Variants in RBFOX1 observed in about 807,000 individuals in gnomAD.
The protein encoded by RBFOX1 is RNA binding fox-1 homolog 1.
In RBFOX1, 8 loss-of-function variants were observed where a neutral mutation model predicts 57.7. The ratio of observed to expected loss-of-function variants is 0.14; its 90% CI spans 0.08 to 0.25. The LOEUF (loss-of-function observed/expected upper bound fraction) is 0.25. Among genes scored for constraint, RBFOX1 ranks in the 10% least tolerant of loss-of-function variants. The pLI is 1.00. For missense variants in RBFOX1, 611 were observed against 548.5 expected (o/e 1.11, Z -1.14); for synonymous variants, 326 against 222.4 (o/e 1.47, Z -4.15).
At position 6,233,409 on chromosome 16, in the gene RBFOX1, C is replaced by A. The variant is rs1006628211; in HGVS notation, c.-126-83586C>A. On this transcript the variant is annotated intron_variant, in intron 1 of 15. Coordinates refer to ENST00000550418, the MANE Select transcript of RBFOX1 (RefSeq NM_018723.4). ...AGTGGGGATCTGACGAACCCCTGCA[C>A]CCCACTCGTCCCCACCTCCACACCG... Among the ~76,000 whole-genome samples the A allele has an allele frequency of 3.3e-5, 5 of 152,080 alleles. No homozygotes were observed. The South Asian group carries it at 1.0e-3, about 31-fold the overall frequency.
At position 5,805,544 on chromosome 16, in the gene RBFOX1, G is replaced by A. The variant is rs1003921922; in HGVS notation, c.319-61759G>A. Among the ~76,000 whole-genome samples the A allele has an allele frequency of 6.6e-5, 10 of 152,174 alleles. No homozygotes were observed. In the South Asian group the frequency reaches 2.1e-3, roughly 32 times the overall value. ...CCAGAAACAGAAGACATGTATTGAT[G>A]GGATAATTGAGAAGAGTTGAACAAA... On this transcript the variant is annotated intron_variant, in intron 3 of 19. Coordinates refer to the RBFOX1 transcript ENST00000641259.
chr16:7,463,355 T>C (rs542111381), intron 4 of RBFOX1, among the ~76,000 whole-genome samples: 25 of 152,196 alleles, frequency 1.6e-4, no homozygotes, highest in African/African-American at 5.5e-4. Flanking sequence ...AATACAAAAA[T>C]TAGCTGGGTG....
chr16:6,454,604 C>G (rs2094714113), intron 2 of RBFOX1, among the ~76,000 whole-genome samples: 2 of 152,112 alleles, frequency 1.3e-5, no homozygotes, highest in South Asian at 2.1e-4. Context: ...ACACCTTAAA[C>G]AAATAAATGT....
intron 1 of RBFOX1, among the ~76,000 whole-genome samples, chr16:6,180,638 T>G (rs540206709): frequency 6.6e-6 from 1 of 152,172 alleles, no homozygotes; most frequent in East Asian, 1.9e-4. Flanking sequence ...CGATCTCGGC[T>G]CACTGCAATC....
chr16:6,098,102 T>C (rs1042561942), intron 1 of RBFOX1, among the ~76,000 whole-genome samples: 8 of 151,928 alleles, frequency 5.3e-5, no homozygotes, highest in Non-Finnish European at 1.2e-4. Context: ...GGAGAAGGGG[T>C]CGGTCACCAT....
At chr16:6,138,739 C>T (rs1158075006) in intron 1 of RBFOX1, among the ~76,000 whole-genome samples, 1 of 152,074 alleles carries the variant, frequency 6.6e-6, no homozygotes, top group African/African-American at 2.4e-5. Context: ...TGGTGGCAGG[C>T]ACCTGTAGTC....
chr16:5,748,791 T>G (rs1370680087), intron 3 of RBFOX1, among the ~76,000 whole-genome samples: 1 of 152,212 alleles, frequency 6.6e-6, no homozygotes, highest in Admixed American at 6.5e-5. Flanking sequence ...GTTTCCTGAA[T>G]ACAGCACACT....
At chr16:7,425,260 T>TGA (rs1188118927) in intron 4 of RBFOX1, among the ~76,000 whole-genome samples, 2 of 152,194 alleles carry the variant, frequency 1.3e-5, no homozygotes, top group African/African-American at 4.8e-5. Flanking sequence ...ACACACTGAA[T>TGA]GAGAGAAGTG....
chr16:6,922,312 G>C lies in RBFOX1; in HGVS notation c.-15-129745G>C, dbSNP rs753180395. ...AGATATTGGAAAGCACTGGTTTTCA[G>C]TTCCGAGTGTCCGGTGGTAATGGCA... On this transcript the variant is annotated intron_variant, in intron 3 of 15. Coordinates refer to ENST00000550418, the MANE Select transcript of RBFOX1 (RefSeq NM_018723.4). Among the ~76,000 whole-genome samples the C allele has an allele frequency of 5.1e-4, 78 of 152,114 alleles. 2 individuals are homozygous for C. Among genetic ancestry groups the C allele is most frequent in the Admixed American group, 2.6e-4 (4 of 15,272 alleles).
chr16:7,465,513 C>T (rs1313333070), intron 4 of RBFOX1, among the ~76,000 whole-genome samples: 1 of 152,166 alleles, frequency 6.6e-6, no homozygotes, highest in Admixed American at 6.5e-5. Flanking sequence ...ATATTCTGTC[C>T]CCAAGTCCAT....
At chr16:6,392,253 T>G (rs2092637701) in intron 2 of RBFOX1, among the ~76,000 whole-genome samples, 1 of 152,248 alleles carries the variant, frequency 6.6e-6, no homozygotes, top group African/African-American at 2.4e-5. Flanking sequence ...CCAAGCGTTT[T>G]AACTGAAGAC....
chr16:7,344,101 CTT>C (rs61008217), intron 4 of RBFOX1, among the ~76,000 whole-genome samples: 89 of 90,604 alleles, frequency 9.8e-4, no homozygotes, highest in African/African-American at 3.2e-3. Flanking sequence ...CTCAGCTTTA[CTT>C]TTTTTTTTTT....
chr16:6,700,893 C>A (rs1476021558), intron 3 of RBFOX1, among the ~76,000 whole-genome samples: 1 of 151,932 alleles, frequency 6.6e-6, no homozygotes, highest in Non-Finnish European at 1.5e-5. Context: ...TCCTCTTTAC[C>A]CAATTTGCTA....
intron 3 of RBFOX1, among the ~76,000 whole-genome samples, chr16:6,941,217 T>A (rs1221354389): frequency 6.8e-6 from 1 of 146,692 alleles, no homozygotes; most frequent in Non-Finnish European, 1.5e-5. Context: ...CTTCCTTCCC[T>A]CCCATTACCT....
In RBFOX1 at chr16:5,330,283, T is replaced by G. The variant is rs531135795; in HGVS notation, c.219+90178T>G. 2.6e-5 allele frequency among the ~76,000 whole-genome samples: 4 copies of G among 152,200 alleles called. No individual in the cohort carries two copies. The South Asian group carries it at 8.3e-4, about 32-fold the overall frequency. ...GAATCTAACCTTAGTCTCCTTCTTT[T>G]AACTGCTATGCTAAGCTCTTTAAAT... On this transcript the variant is annotated intron_variant, in intron 1 of 2. Coordinates refer to the RBFOX1 transcript ENST00000585867.
chr16:6,452,716 G>C (rs550833452), intron 2 of RBFOX1, among the ~76,000 whole-genome samples: 7 of 152,334 alleles, frequency 4.6e-5, no homozygotes, highest in Middle Eastern at 3.4e-3. Flanking sequence ...TCACAGTTTA[G>C]CCTTTGCAGT....
At chr16:5,454,168 C>G (rs1019313263) in intron 1 of RBFOX1, among the ~76,000 whole-genome samples, 1 of 152,182 alleles carries the variant, frequency 6.6e-6, no homozygotes, top group African/African-American at 2.4e-5. Context: ...AATGCAGTTT[C>G]TCACTGAGAG....
At chr16:6,048,075 T>C (rs1225137575) in intron 1 of RBFOX1, among the ~76,000 whole-genome samples, 1 of 152,168 alleles carries the variant, frequency 6.6e-6, no homozygotes, top group Non-Finnish European at 1.5e-5. Context: ...AATACAGCCA[T>C]TTGTGTTATG....
intron 2 of RBFOX1, among the ~76,000 whole-genome samples, chr16:5,485,086 C>T (rs2151653556): frequency 6.6e-6 from 1 of 151,916 alleles, no homozygotes; most frequent in Non-Finnish European, 1.5e-5. Context: ...GTGGCTCACG[C>T]CTGTAATCCC....
Sources: gnomAD v4.1 joint callset for allele counts (sites outside exome capture counted in the v4.1 genomes callset) on GRCh38, gnomAD v4.1.1 for gene constraint, MANE v1.5 for transcripts, NCBI Gene and HGNC (gene_info 2026-07-23, HGNC 2026-07-21) for gene names.